Variants in DNAH2 observed in about 807,000 individuals in gnomAD.
DNAH2 encodes the protein dynein axonemal heavy chain 2.
Under a neutral mutation model 523.5 loss-of-function variants are expected in DNAH2, and 323 were observed. The ratio of observed to expected loss-of-function variants is 0.62; its 90% CI spans 0.56 to 0.68. The LOEUF is 0.68. Among genes scored for constraint, DNAH2 ranks in the 30% least tolerant of loss-of-function variants. The pLI, the probability that DNAH2 is intolerant of heterozygous loss-of-function variation, is 0.00. For synonymous variants in DNAH2, 2,093 were observed against 2,177.4 expected, an observed-to-expected ratio of 0.96 and a Z score of 1.08; for missense variants, 4,907 against 5,701.5, an observed-to-expected ratio of 0.86 and a Z score of 4.49.
chr17:7,775,912 C>T, intron 30 of DNAH2, 112 bp from the exon 31 acceptor site: 1 of 1,435,210 alleles, frequency 7.0e-7, no homozygotes, highest in Non-Finnish European at 9.4e-7. Flanking sequence ...GCCATTCCCG[C>T]TTTTCTCTGG....
Position 7,754,923 on chromosome 17 carries a change from G to C in DNAH2, c.1905-2168G>C, listed in dbSNP as rs1597544107. 5.6e-6 allele frequency: 3 copies of C among 537,070 alleles called. No individual in the cohort carries two copies. The highest frequency in any genetic ancestry group is 9.9e-6 in the Non-Finnish European group (3 of 302,176). The allele number at this position is 537,070 out of a possible 1,614,324, so 33.3% of individuals were successfully genotyped here. On this transcript the variant is annotated intron_variant, in intron 12 of 85. Transcript: ENST00000572933. The surrounding 1 kb of genome is among the most constrained non-coding windows in gnomAD (Gnocchi z 4.6). Reference sequence around the variant, plus strand: ...CACCCCGGGCTGCCGTCTGCATGGGGCTGGGGTCCTCCTGCGCTATTGGTA... The same window carrying C: ...CACCCCGGGCTGCCGTCTGCATGGGCCTGGGGTCCTCCTGCGCTATTGGTA...
chr17:7,758,515 C>G lies in DNAH2; in HGVS notation c.2072C>G (p.Pro691Arg), dbSNP rs1287744401. ...DYNRIIAMLS[P>R]DEQALFKERI... Reference sequence around the variant, plus strand: ...CACAGGATTATTGCCATGCTGTCCCCAGATGAGCAGGCCCTATTCAAAGAG... The same window carrying G: ...CACAGGATTATTGCCATGCTGTCCCGAGATGAGCAGGCCCTATTCAAAGAG... The change falls in exon 14 of 86, where the codon CCA becomes CGA. Residue 691 changes from proline (P) to arginine (R), a missense_variant. Physicochemically the swap from Pro to Arg is moderately radical, Grantham distance 103 (BLOSUM62 -2). This residue lies in a region of DNAH2 where 2,806 missense variants were observed against 3,190.8 expected (regional missense o/e 0.88). Coordinates refer to ENST00000572933, the MANE Select transcript of DNAH2 (RefSeq NM_020877.5). 1.2e-6 allele frequency: 2 copies of G among 1,614,006 alleles called. No individual in the cohort carries two copies. Among genetic ancestry groups the G allele is most frequent in the Admixed American group, 3.3e-5 (2 of 60,008 alleles).
chr17:7,737,287 G>A (rs2075170577), intron 8 of DNAH2, 29 bp downstream of exon 8: 2 of 1,598,792 alleles, frequency 1.3e-6, no homozygotes, highest in Non-Finnish European at 1.7e-6. Context: ...TGGGATGGAG[G>A]GGTTTATGAG....
chr17:7,801,203 C>T (rs1171764043), intron 56 of DNAH2, among the ~76,000 whole-genome samples: 2 of 152,106 alleles, frequency 1.3e-5, no homozygotes, highest in Non-Finnish European at 1.5e-5. Flanking sequence ...TTGTGATACA[C>T]GGTGTACTTA....
chr17:7,775,705 G>GAAAAAAAAAAAAAAAAAAAAAAA (rs34099534), intron 30 of DNAH2, among the ~76,000 whole-genome samples: 3 of 123,030 alleles, frequency 2.4e-5, no homozygotes, highest in Non-Finnish European at 4.9e-5. Context: ...AAAAAAAAAA[G>GAAAAAAAAAAAAAAAAAAAAAAA]AAAAAAAAAA....
chr17:7,762,858 T>C (rs1377957910), intron 18 of DNAH2, among the ~76,000 whole-genome samples: 1 of 150,288 alleles, frequency 6.7e-6, no homozygotes, highest in South Asian at 2.1e-4. Context: ...TTACTGTCAC[T>C]GTATTACAGA....
rs1567620625 is a variant in DNAH2, at chr17:7,739,790, C to T, written c.1228C>T (p.Pro410Ser). 1.9e-6 allele frequency: 3 copies of T among 1,613,982 alleles called. No individual in the cohort carries two copies. The highest frequency in any genetic ancestry group is 2.5e-6 in the Non-Finnish European group (3 of 1,180,020). Residue 410 changes from proline to serine, a missense_variant, in exon 9 of 86, where the codon CCT becomes TCT. Pro to Ser is a moderately conservative substitution (Grantham distance 74, BLOSUM62 -1). Transcript: ENST00000572933. The stretch of plus-strand genomic sequence containing the variant: ...GGAAGATGGCAAGCAGGGTCCCCTT[C>T]CTTGCTTCTTTGGTGCCCAGGGGCC... ...RWEDGKQGPL[P>S]CFFGAQGPQI...
Position 7,760,033 on chromosome 17 carries a change from A to T in DNAH2, c.2785+95A>T. ...AGAGACCAGGGCTATTTCCAGGCAT[A>T]CTGGGCCAGTCACCTCCCTGACCTG... On this transcript the variant is annotated intron_variant, in intron 17 of 85. Transcript: ENST00000572933. This position sits in a 1 kb window ranked among gnomAD's most constrained non-coding sequence, Gnocchi z 4.0. The T allele has an allele frequency of 6.4e-7, 1 of 1,570,166 alleles. No homozygotes were observed. The highest frequency in any genetic ancestry group is 2.3e-5 in the East Asian group (1 of 44,442).
chr17:7,736,571 G>C (rs1437057426), intron 7 of DNAH2, among the ~76,000 whole-genome samples: 4 of 152,204 alleles, frequency 2.6e-5, no homozygotes, highest in Non-Finnish European at 4.4e-5. Flanking sequence ...AAGAAAAGTT[G>C]ACATGTGCTA....
intron 22 of DNAH2, 110 bp downstream of exon 22, chr17:7,766,591 A>T: frequency 1.9e-6 from 2 of 1,036,736 alleles, no homozygotes; most frequent in African/African-American, 1.7e-5. Context: ...GCTCACAAGG[A>T]GCTTTTGTTT....
chr17:7,725,441 T>TATATATATATATATATATA (rs398119671), intron 3 of DNAH2, among the ~76,000 whole-genome samples: 26 of 136,960 alleles, frequency 1.9e-4, no homozygotes, highest in African/African-American at 2.4e-4. Flanking sequence ...TATATATATA[T>TATATATATATATATATATA]TTTCTTTTTG....
chr17:7,784,600 G>GA (rs2076686468), intron 39 of DNAH2, among the ~76,000 whole-genome samples: 2 of 152,140 alleles, frequency 1.3e-5, no homozygotes, highest in African/African-American at 4.8e-5. Context: ...AGCACACATA[G>GA]AAAATTGTTG....
intron 12 of DNAH2, among the ~76,000 whole-genome samples, chr17:7,745,255 A>C (rs1028848629): frequency 2.6e-5 from 4 of 152,136 alleles, no homozygotes; most frequent in African/African-American, 9.7e-5. Flanking sequence ...TCGGCCTCCC[A>C]AAGTGCTGGG....
Position 7,767,890 on chromosome 17 carries a change from T to G in DNAH2, c.3676-10T>G, listed in dbSNP as rs750085738. Reference sequence around the variant, plus strand: ...TGCCACTTCATGCAACGCGCCTTTCTGCCCTGTAGGAGCTCGATGCCCTCC... The same window carrying G: ...TGCCACTTCATGCAACGCGCCTTTCGGCCCTGTAGGAGCTCGATGCCCTCC... On this transcript the variant is annotated splice_polypyrimidine_tract_variant and intron_variant, in intron 22 of 85. Coordinates refer to ENST00000572933, the MANE Select transcript of DNAH2 (RefSeq NM_020877.5). The G allele has an allele frequency of 4.3e-6, 7 of 1,614,062 alleles. No homozygotes were observed. Among genetic ancestry groups the G allele is most frequent in the Non-Finnish European group, 5.9e-6 (7 of 1,179,996 alleles).
At chr17:7,738,959 C>T (rs2075223162) in intron 8 of DNAH2, 2 of 702,848 alleles carry the variant, frequency 2.8e-6, no homozygotes, top group Non-Finnish European at 5.2e-6. Flanking sequence ...CTAGATCAGA[C>T]CAGCATCTTT....
At chr17:7,799,716 G>T (rs531297199) in intron 56 of DNAH2, among the ~76,000 whole-genome samples, 1 of 152,246 alleles carries the variant, frequency 6.6e-6, no homozygotes, top group East Asian at 1.9e-4. Context: ...TACTCAGGAG[G>T]ATGAAGCAGG....
chr17:7,818,235 C>G, intron 68 of DNAH2, 77 bp from the exon 69 acceptor site: 2 of 1,599,114 alleles, frequency 1.3e-6, no homozygotes, highest in Non-Finnish European at 1.7e-6. Flanking sequence ...AGTCGCTGCC[C>G]CTGGATGCCG....
At chr17:7,795,097 T>C (rs1030156313) in intron 49 of DNAH2, among the ~76,000 whole-genome samples, 1 of 151,918 alleles carries the variant, frequency 6.6e-6, no homozygotes, top group African/African-American at 2.4e-5. Context: ...TGGAGAAGTA[T>C]GTGGGGCCAA....
rs765031634 is a variant in DNAH2 at position 7,794,292 on chromosome 17, T to G, written c.7608T>G (p.Gly2536=). The G allele has an allele frequency of 7.5e-6, 12 of 1,609,400 alleles. No individual in the cohort carries two copies. The highest frequency in any genetic ancestry group is 1.1e-5 in the South Asian group (1 of 90,260). The change falls in exon 49 of 86, where the codon GGT becomes GGG. Residue 2536 remains glycine (G), a synonymous_variant. Coordinates refer to ENST00000572933, the MANE Select transcript of DNAH2 (RefSeq NM_020877.5). The part of the protein sequence containing the change: ...FLMAAMGPPG[G]GRTVISPRLR... ...TGGCTGCCATGGGCCCCCCTGGGGGTGGACGGACTGTCATCTCCCCAAGGC... is the reference window on the plus strand; with the variant it reads ...TGGCTGCCATGGGCCCCCCTGGGGGGGGACGGACTGTCATCTCCCCAAGGC...
Sources: allele counts gnomAD v4.1 joint callset (sites outside exome capture counted in the v4.1 genomes callset), GRCh38; gene constraint gnomAD v4.1.1; regional missense constraint gnomAD v4.1.1; non-coding constraint Gnocchi (gnomAD v3.1); transcripts MANE v1.5; gene names NCBI Gene and HGNC (gene_info 2026-07-23, HGNC 2026-07-21).